Variants in MAN2A1 observed in about 807,000 individuals in gnomAD.
The protein encoded by MAN2A1 is mannosidase alpha class 2A member 1.
MAN2A1 carries 76 observed loss-of-function variants against 142.6 expected under a neutral mutation model. That is an observed-to-expected ratio of 0.53 (90% CI 0.44 to 0.65). The LOEUF (loss-of-function observed/expected upper bound fraction) is 0.65, where lower values mean the gene tolerates loss of function less well. Among genes scored for constraint, MAN2A1 ranks in the 30% least tolerant of loss-of-function variants. The probability of loss-of-function intolerance (pLI) is 0.00; values close to 1 mark genes in which losing one functional copy is unlikely to be tolerated. For synonymous variants in MAN2A1, 559 were observed against 473.2 expected, an observed-to-expected ratio of 1.18 and a Z score of -2.35; for missense variants, 1,311 against 1,365.1, an observed-to-expected ratio of 0.96 and a Z score of 0.62.
chr5:109,830,822 C>A (rs759811), intron 16 of MAN2A1, among the ~76,000 whole-genome samples: 1 of 151,906 alleles, frequency 6.6e-6, no homozygotes, highest in Non-Finnish European at 1.5e-5. Context: ...CGAATCTGAT[C>A]ATTCCCTACA....
intron 4 of MAN2A1, among the ~76,000 whole-genome samples, chr5:109,733,687 C>T (rs924618048): frequency 5.3e-5 from 8 of 151,888 alleles, no homozygotes; most frequent in African/African-American, 1.7e-4. Flanking sequence ...TATATTGAAC[C>T]AGCCTTGCAT....
intron 16 of MAN2A1, among the ~76,000 whole-genome samples, chr5:109,835,480 A>T (rs1470009554): frequency 6.6e-6 from 1 of 152,214 alleles, no homozygotes; most frequent in Non-Finnish European, 1.5e-5. Context: ...ATGTGATTTG[A>T]TAGCTATGTT....
intron 6 of MAN2A1, among the ~76,000 whole-genome samples, chr5:109,769,010 C>T (rs1273218146): frequency 6.6e-6 from 1 of 152,048 alleles, no homozygotes; most frequent in African/African-American, 2.4e-5. Context: ...ACGGATACAG[C>T]CAAATGTAGC....
rs557967793 is a variant in MAN2A1, at chr5:109,700,369, G to A, written c.135+9817G>A. Among the ~76,000 whole-genome samples the A allele has an allele frequency of 6.2e-4, 88 of 142,862 alleles. 1 individual carries two copies. The highest frequency in any genetic ancestry group is 2.2e-3 in the African/African-American group (86 of 38,414). The allele number at this position is 142,862 out of a possible 152,430, so 93.7% of individuals were successfully genotyped here. On this transcript the variant is annotated intron_variant, in intron 1 of 21. Coordinates refer to ENST00000261483, the MANE Select transcript of MAN2A1 (RefSeq NM_002372.4). ...GAACTGATAGTGCTTTGTTTCCTTT[G>A]TGATGAGAAGCCTTTCCCTTCAGGG... is the stretch of plus-strand genomic sequence containing the variant.
intron 4 of MAN2A1, among the ~76,000 whole-genome samples, chr5:109,741,293 A>G (rs548357821): frequency 6.6e-6 from 1 of 152,306 alleles, no homozygotes; most frequent in South Asian, 2.1e-4. Context: ...ACTTTTATTC[A>G]CTTATTACAT....
intron 1 of MAN2A1, among the ~76,000 whole-genome samples, chr5:109,698,404 C>T (rs1455771838): frequency 6.6e-6 from 1 of 152,216 alleles, no homozygotes; most frequent in Non-Finnish European, 1.5e-5. Flanking sequence ...GTTGCTGTGA[C>T]ACAGGCTAAC....
chr5:109,767,439 G>A (rs1753021876), intron 5 of MAN2A1, 96 bp from the exon 6 acceptor site: 1 of 960,068 alleles, frequency 1.0e-6, no homozygotes, highest in East Asian at 2.6e-5. Flanking sequence ...ATATCTCTAG[G>A]AGACTATACA....
chr5:109,785,212 G>A (rs2112672536), intron 10 of MAN2A1, among the ~76,000 whole-genome samples: 1 of 152,138 alleles, frequency 6.6e-6, no homozygotes, highest in East Asian at 1.9e-4. Context: ...ATAACAGTGT[G>A]GAGACTGGAG....
At chr5:109,703,692 T>C (rs1241622872) in intron 1 of MAN2A1, among the ~76,000 whole-genome samples, 1 of 152,230 alleles carries the variant, frequency 6.6e-6, no homozygotes, top group Non-Finnish European at 1.5e-5. Flanking sequence ...ACAGTTAATA[T>C]GTTTAGTGCC....
At chr5:109,734,317 C>A (rs1028448945) in intron 4 of MAN2A1, among the ~76,000 whole-genome samples, 8 of 147,390 alleles carry the variant, frequency 5.4e-5, no homozygotes, top group South Asian at 2.1e-4. Context: ...AAAAAAAAAA[C>A]CAGCTGCTGG....
intron 3 of MAN2A1, among the ~76,000 whole-genome samples, chr5:109,724,008 C>T (rs188573246): frequency 2.0e-5 from 3 of 152,014 alleles, no homozygotes; most frequent in South Asian, 2.1e-4. Flanking sequence ...TAAATCAGAA[C>T]GTTAATTAAA....
Position 109,715,653 on chromosome 5 carries a change from A to G in MAN2A1, c.391-467A>G, listed in dbSNP as rs189861897. Among the ~76,000 whole-genome samples the G allele has an allele frequency of 9.5e-4, 145 of 152,320 alleles. 1 individual carries two copies. The highest frequency in any genetic ancestry group is 1.7e-3 in the Non-Finnish European group (114 of 68,022). The stretch of plus-strand genomic sequence containing the variant: ...GCTACATGGCAGAATAGCTATAGAT[A>G]GATATATTTTTGTTCAGGCATAGAT... On this transcript the variant is annotated intron_variant, in intron 2 of 21. Coordinates refer to ENST00000261483, the MANE Select transcript of MAN2A1 (RefSeq NM_002372.4).
chr5:109,700,051 T>C (rs1750931593), intron 1 of MAN2A1, among the ~76,000 whole-genome samples: 1 of 152,164 alleles, frequency 6.6e-6, no homozygotes, highest in Non-Finnish European at 1.5e-5. Context: ...GTGAGAATCA[T>C]GCTATATTTC....
intron 7 of MAN2A1, among the ~76,000 whole-genome samples, chr5:109,771,157 A>G (rs1370801652): frequency 6.6e-6 from 1 of 152,180 alleles, no homozygotes; most frequent in Non-Finnish European, 1.5e-5. Flanking sequence ...ATCTCATTAA[A>G]CCAACTTACA....
At chr5:109,747,724 G>T (rs775063921) in intron 4 of MAN2A1, among the ~76,000 whole-genome samples, 2 of 152,100 alleles carry the variant, frequency 1.3e-5, no homozygotes, top group African/African-American at 4.8e-5. Context: ...CAAGCAAGTT[G>T]ACATGCTTTT....
At position 109,694,211 on chromosome 5, in the gene MAN2A1, C is replaced by T. The variant is rs552015660; in HGVS notation, c.135+3659C>T. ...TCTTAAAATATGGAAATTGAGACTCCGATGGAAAATGTGAAAGTGAAGTTA... is the reference window on the plus strand; with the variant it reads ...TCTTAAAATATGGAAATTGAGACTCTGATGGAAAATGTGAAAGTGAAGTTA... On this transcript the variant is annotated intron_variant, in intron 1 of 21. Transcript: ENST00000261483. Among the ~76,000 whole-genome samples the T allele has an allele frequency of 1.1e-4, 17 of 152,230 alleles. No homozygotes were observed. The East Asian group carries it at 2.1e-3, about 19-fold the overall frequency.
rs551661712 is a variant in MAN2A1, at chr5:109,826,615, C to T, written c.2566+2778C>T. 4.1e-4 allele frequency among the ~76,000 whole-genome samples: 63 copies of T among 152,334 alleles called. No individual in the cohort carries two copies. In the South Asian group the frequency reaches 0.013, roughly 31 times the overall value. On this transcript the variant is annotated intron_variant, in intron 16 of 21. Transcript: ENST00000261483. ...TTAGTAATCTTCATGACTCACCTGT[C>T]TCTCCTGTTTTTCACATACCATTGC... is the stretch of plus-strand genomic sequence containing the variant.
chr5:109,799,764 A>C (rs1266162350), intron 12 of MAN2A1, among the ~76,000 whole-genome samples: 1 of 151,392 alleles, frequency 6.6e-6, no homozygotes, highest in Non-Finnish European at 1.5e-5. Flanking sequence ...CAAAAAAAAA[A>C]AAAAGCGAAA....
At chr5:109,793,987 T>C (rs1335264767) in intron 12 of MAN2A1, among the ~76,000 whole-genome samples, 1 of 152,210 alleles carries the variant, frequency 6.6e-6, no homozygotes, top group Non-Finnish European at 1.5e-5. Flanking sequence ...TCTTATGTTA[T>C]CAATATATTT....
Sources: gnomAD v4.1 joint callset for allele counts (sites outside exome capture counted in the v4.1 genomes callset) on GRCh38, gnomAD v4.1.1 for gene constraint, MANE v1.5 for transcripts, NCBI Gene and HGNC (gene_info 2026-07-23, HGNC 2026-07-21) for gene names.